Variants in GPR179 observed in about 807,000 individuals in gnomAD.
GPR179 encodes the protein probable G protein-coupled receptor 179.
GPR179 carries 52 observed loss-of-function variants against 70.8 expected under a neutral mutation model. That is an observed-to-expected ratio of 0.73 (90% CI 0.59 to 0.93). GPR179 has a LOEUF of 0.93. Among genes scored for constraint, GPR179 ranks in the 40% least tolerant of loss-of-function variants. GPR179 has a pLI of 0.00. For missense variants in GPR179, 2,734 were observed against 2,966.8 expected (o/e 0.92, Z 1.82); for synonymous variants, 1,123 against 1,169.0 (o/e 0.96, Z 0.80).
At position 38,334,826 on chromosome 17, in the gene GPR179, C is replaced by T; in HGVS notation, c.1662G>A (p.Leu554=). The T allele has an allele frequency of 1.2e-6, 2 of 1,611,578 alleles. No individual in the cohort carries two copies. Among genetic ancestry groups the T allele is most frequent in the South Asian group, 2.2e-5 (2 of 91,010 alleles). ...YIMVVAELLL[L]CWGSFLCYAT... Reference sequence around the variant, plus strand: ...CGTAGCAGAGGAAGCTGCCCCAGCACAGCAGCAGCAGCTCAGCTGTGGGGA... The same window carrying T: ...CGTAGCAGAGGAAGCTGCCCCAGCATAGCAGCAGCAGCTCAGCTGTGGGGA... Residue 554 remains leucine, a synonymous_variant, in exon 8 of 11, where the codon CTG becomes CTA. Transcript: ENST00000616987. The surrounding 1 kb of genome is among the most constrained non-coding windows in gnomAD (Gnocchi z 4.7).
chr17:38,333,005 G>T (rs1460805578), intron 10 of GPR179, among the ~76,000 whole-genome samples: 1 of 152,232 alleles, frequency 6.6e-6, no homozygotes. Flanking sequence ...CCTGCCTCTA[G>T]CTTGCCACAT....
At position 38,331,216 on chromosome 17, in the gene GPR179, G is replaced by C. The variant is rs2144264135; in HGVS notation, c.2353C>G (p.Leu785Val). ...YDQRREQDPP[L>V]LDSLLRRKLA... is the part of the protein sequence containing the mutation. Reference sequence around the variant, plus strand: ...TTCCTCCTCAGCAGTGAGTCAAGAAGAGGCGGGTCCTGCTCCCTGCGCTGG... The same window carrying C: ...TTCCTCCTCAGCAGTGAGTCAAGAACAGGCGGGTCCTGCTCCCTGCGCTGG... Residue 785 changes from leucine to valine, a missense_variant, in exon 11 of 11, where the codon CTT becomes GTT. Transcript: ENST00000616987. 6.3e-7 allele frequency: 1 copy of C among 1,599,962 alleles called. No homozygotes were observed. Among genetic ancestry groups the C allele is most frequent in the East Asian group, 2.2e-5 (1 of 44,476 alleles).
chr17:38,340,438 G>C (rs2037439860), intron 1 of GPR179, among the ~76,000 whole-genome samples: 1 of 152,142 alleles, frequency 6.6e-6, no homozygotes, highest in South Asian at 2.1e-4. Context: ...CACCATGCCT[G>C]GCTAGTTTTT....
Position 38,330,413 on chromosome 17 carries a change from T to G in GPR179, c.3156A>C (p.Ala1052=), listed in dbSNP as rs746176505. Residue 1052 remains alanine (A), a synonymous_variant, in exon 11 of 11, where the codon GCA becomes GCC. Transcript: ENST00000616987. ...AGENEMDAED[A]HHQREANDVD... ...CATCATTAGCTTCCCTCTGGTGATG[T>G]GCATCCTCTGCGTCCATCTCATTCT... 1 of 1,605,100 alleles carries G rather than the reference T, an allele frequency of 6.2e-7. No homozygotes were observed. Among genetic ancestry groups the G allele is most frequent in the Non-Finnish European group, 8.5e-7 (1 of 1,175,004 alleles).
At position 38,331,343 on chromosome 17, in the gene GPR179, G is replaced by A. The variant is rs752165294; in HGVS notation, c.2226C>T (p.Gly742=). 1 of 1,611,892 alleles carries A rather than the reference G, an allele frequency of 6.2e-7. No homozygotes were observed. Among genetic ancestry groups the A allele is most frequent in the South Asian group, 1.1e-5 (1 of 90,850 alleles). ...GGGAGGAGCCGGGCAGGCTGCCGTG[G>A]CCTGGGGATCCTGAGTCCCGGGAGT... ...RQHSRDSGSP[G]HGSLPGSSRR... The change falls in exon 11 of 11, where the codon GGC becomes GGT. Residue 742 remains glycine (G), a synonymous_variant. Transcript: ENST00000616987.
chr17:38,333,649 G>A (rs1349484954), intron 9 of GPR179, among the ~76,000 whole-genome samples: 6 of 152,170 alleles, frequency 3.9e-5, no homozygotes, highest in African/African-American at 1.4e-4. Context: ...ACCTCTCCCT[G>A]TATACCTGCT....
intron 2 of GPR179, 72 bp downstream of exon 2, chr17:38,339,345 C>T: frequency 1.1e-6 from 1 of 924,732 alleles, no homozygotes; most frequent in Non-Finnish European, 1.8e-6. Context: ...CTGGGAGCTG[C>T]ATGGTGGCGG....
Position 38,330,259 on chromosome 17 carries a change from T to C in GPR179, c.3310A>G (p.Lys1104Glu). 1 of 1,595,556 alleles carries C rather than the reference T, an allele frequency of 6.3e-7. No homozygotes were observed. The highest frequency in any genetic ancestry group is 1.1e-5 in the South Asian group (1 of 89,090). ...LTRSRSTYRE[K>E]ESVEESPEGQ... is the part of the protein sequence containing the mutation. ...TCGGGACTCTCCTCCACACTCTCCT[T>C]CTCTCTGTAGGTGCTCCGAGAACGG... is the stretch of plus-strand genomic sequence containing the variant. Residue 1104 changes from lysine to glutamate, a missense_variant, in exon 11 of 11, where the codon AAG becomes GAG. Lys to Glu is a moderately conservative substitution (Grantham distance 56, BLOSUM62 1). Coordinates refer to ENST00000616987, the MANE Select transcript of GPR179 (RefSeq NM_001004334.4).
chr17:38,328,437 G>C lies in GPR179; in HGVS notation c.5132C>G (p.Ala1711Gly). Residue 1711 changes from alanine (A) to glycine (G), a missense_variant, in exon 11 of 11, where the codon GCT (alanine) becomes GGT (glycine). Ala to Gly is a moderately conservative substitution (Grantham distance 60). Coordinates refer to ENST00000616987, the MANE Select transcript of GPR179 (RefSeq NM_001004334.4). Reference sequence around the variant, plus strand: ...CAAAGCCCTTTCCTCCCCTGCTCCAGCACCCACCTCCCAGGGACAGATTTC... The same window carrying C: ...CAAAGCCCTTTCCTCCCCTGCTCCACCACCCACCTCCCAGGGACAGATTTC... Reference protein sequence around the residue: ...KAEICPWEVGAGAGEERALGA... With the variant: ...KAEICPWEVGGGAGEERALGA... 1 of 1,609,890 alleles carries C rather than the reference G, an allele frequency of 6.2e-7. No homozygotes were observed. The highest frequency in any genetic ancestry group is 8.5e-7 in the Non-Finnish European group (1 of 1,178,574).
In GPR179 at chr17:38,327,206, CT is replaced by C; in HGVS notation, c.6362del (p.Glu2121GlyfsTer114). On this transcript the variant is annotated frameshift_variant, in exon 11 of 11. Transcript: ENST00000616987. LOFTEE classifies it low-confidence loss of function (END_TRUNC). ...VAEVCLWEVV[E>X]APSAKKAEIC... ...TCTCTGCTTTCTTGGCAGAGGGAGC[CT>C]CTACCACTTCCCACAGACACACTTC... is the stretch of plus-strand genomic sequence containing the variant. The C allele has an allele frequency of 6.2e-7, 1 of 1,614,240 alleles. No homozygotes were observed.
chr17:38,335,149 A>G lies in GPR179; in HGVS notation c.1529T>C (p.Val510Ala). Residue 510 changes from valine to alanine, a missense_variant, in exon 7 of 11, where the codon GTG (valine) becomes GCG (alanine). By Grantham distance (64) the Val-to-Ala change is moderately conservative. Coordinates refer to ENST00000616987, the MANE Select transcript of GPR179 (RefSeq NM_001004334.4). ...CTGGATGCCTCGCTCCAGGGCGCCCACGGTCCACACAGCCAGGAAGCCCAG... is the reference window on the plus strand; with the variant it reads ...CTGGATGCCTCGCTCCAGGGCGCCCGCGGTCCACACAGCCAGGAAGCCCAG... ...PVLGFLAVWT[V>A]GALERGIQHA... 4 of 1,590,160 alleles carry G rather than the reference A, an allele frequency of 2.5e-6. No homozygotes were observed. The highest frequency in any genetic ancestry group is 3.4e-6 in the Non-Finnish European group (4 of 1,168,928).
At chr17:38,335,408 G>C (rs980379814) in intron 6 of GPR179, 137 bp from the exon 7 acceptor site, 6 of 797,190 alleles carry the variant, frequency 7.5e-6, no homozygotes, top group Non-Finnish European at 1.2e-5. Flanking sequence ...TTTGTGATTT[G>C]CTGCCTTTTG....
At chr17:38,342,900 T>G in intron 1 of GPR179, 96 bp downstream of exon 1, 1 of 1,206,332 alleles carries the variant, frequency 8.3e-7, no homozygotes, top group Non-Finnish European at 1.2e-6. Flanking sequence ...GGCATGCACA[T>G]GTTCGTGCCA....
Position 38,333,340 on chromosome 17 carries a change from C to T in GPR179, c.1948G>A (p.Glu650Lys), listed in dbSNP as rs186221885. 1.6e-5 allele frequency: 26 copies of T among 1,614,070 alleles called. No homozygotes were observed. The highest frequency in any genetic ancestry group is 1.3e-4 in the African/African-American group (10 of 75,028). Residue 650 changes from glutamate (E) to lysine (K), a missense_variant, in exon 10 of 11, where the codon GAG (glutamate) becomes AAG (lysine). By Grantham distance (56) the Glu-to-Lys change is moderately conservative (BLOSUM62 1). Coordinates refer to ENST00000616987, the MANE Select transcript of GPR179 (RefSeq NM_001004334.4). Reference protein sequence around the residue: ...EEMVDEVCEDELDLQHSGSYL... With the variant: ...EEMVDEVCEDKLDLQHSGSYL... The stretch of plus-strand genomic sequence containing the variant: ...GAGCCTGAGTGCTGCAGGTCCAGCT[C>T]GTCCTCACACACCTCATCCACCATC...
In GPR179 at chr17:38,335,687, T is replaced by C. The variant is rs752780843; in HGVS notation, c.1310A>G (p.Tyr437Cys). ...LLLYFPVFIL[Y>C]FKPSVFRCIA... ...GCAGCGGAATACACTGGGCTTGAAG[T>C]ATAGGATGAAGACCTGGTGGGAAGG... Residue 437 changes from tyrosine (Y) to cysteine (C), a missense_variant, in exon 6 of 11, where the codon TAC (tyrosine) becomes TGC (cysteine). Coordinates refer to ENST00000616987, the MANE Select transcript of GPR179 (RefSeq NM_001004334.4). The C allele has an allele frequency of 6.2e-7, 1 of 1,613,402 alleles. No homozygotes were observed. Among genetic ancestry groups the C allele is most frequent in the Admixed American group, 1.7e-5 (1 of 60,018 alleles).
In GPR179 at chr17:38,329,507, C is replaced by T. The variant is rs1329603401; in HGVS notation, c.4062G>A (p.Glu1354=). 1.9e-6 allele frequency: 3 copies of T among 1,613,966 alleles called. No individual in the cohort carries two copies. In the African/African-American group the frequency reaches 4.0e-5, roughly 22 times the overall value. ...ACCCAGGCTTCTCCACCTTCCTGGC[C>T]TCCACACTGTCCCCCGCCTCAGATT... ...RDKSEAGDSV[E]ARKVEKPGWE... The change falls in exon 11 of 11, where the codon GAG becomes GAA. Residue 1354 remains glutamate (E), a synonymous_variant. Transcript: ENST00000616987.
At position 38,327,484 on chromosome 17, in the gene GPR179, CAG is replaced by C. The variant is rs752218659; in HGVS notation, c.6083_6084del (p.Pro2028ArgfsTer67). 1 of 1,614,208 alleles carries C rather than the reference CAG, an allele frequency of 6.2e-7. No individual in the cohort carries two copies. The highest frequency in any genetic ancestry group is 1.1e-5 in the South Asian group (1 of 91,078). On this transcript the variant is annotated frameshift_variant, in exon 11 of 11. Transcript: ENST00000616987. LOFTEE classifies it low-confidence loss of function (END_TRUNC). ...TCPWEVTERI[P>X]VKGVSRQDGK... ...CCATCCTGCCTTGACACCCCTTTGA[CAG>C]GGATTCTTTCAGTCACTTCCCAGGG...
chr17:38,339,200 G>A, intron 2 of GPR179: 1 of 511,762 alleles, frequency 2.0e-6, no homozygotes, highest in South Asian at 3.0e-5. Context: ...AATGAGGGCA[G>A]GAGCAGGAGG....
At chr17:38,337,484 T>A in intron 3 of GPR179, 149 bp downstream of exon 3, 1 of 728,636 alleles carries the variant, frequency 1.4e-6, no homozygotes, top group East Asian at 2.7e-5. Flanking sequence ...TGCAACCTGC[T>A]TGCCTCTCCT....
Sources: allele counts gnomAD v4.1 joint callset (sites outside exome capture counted in the v4.1 genomes callset), GRCh38; gene constraint gnomAD v4.1.1; non-coding constraint Gnocchi (gnomAD v3.1); transcripts MANE v1.5; gene names NCBI Gene and HGNC (gene_info 2026-07-23, HGNC 2026-07-21).